FBXO10: variants seen among roughly 807,000 people sequenced by gnomAD.
FBXO10 encodes F-box only protein 10.
FBXO10 carries 39 observed loss-of-function variants against 80.7 expected under a neutral mutation model. That is an observed-to-expected ratio of 0.48 (90% CI 0.37 to 0.63). The LOEUF (loss-of-function observed/expected upper bound fraction) is 0.63. Among genes scored for constraint, FBXO10 ranks in the 30% least tolerant of loss-of-function variants. FBXO10 has a pLI of 0.00. For synonymous variants in FBXO10, 449 were observed against 489.6 expected, an observed-to-expected ratio of 0.92 and a Z score of 1.09; for missense variants, 1,025 against 1,269.0, an observed-to-expected ratio of 0.81 and a Z score of 2.92.
intron 1 of FBXO10, among the ~76,000 whole-genome samples, chr9:37,560,871 G>T (rs946182066): frequency 6.6e-6 from 1 of 152,082 alleles, no homozygotes; most frequent in South Asian, 2.1e-4. Context: ...TGCTGGGCGC[G>T]GTGGCTCATG....
chr9:37,518,343 T>A lies in FBXO10; in HGVS notation c.2296A>T (p.Ser766Cys). The change falls in exon 9 of 11, where the codon AGC (serine) becomes TGC (cysteine). Residue 766 changes from serine to cysteine, a missense_variant. This residue lies in a region of FBXO10 where 478 missense variants were observed against 667.8 expected (regional missense o/e 0.72). Coordinates refer to ENST00000432825, the MANE Select transcript of FBXO10 (RefSeq NM_012166.3). Reference sequence around the variant, plus strand: ...TTGTTGGCCACTCGGGTGGGTTGGCTGCTCTGGGCCACAGTAATGCCTCTG... The same window carrying A: ...TTGTTGGCCACTCGGGTGGGTTGGCAGCTCTGGGCCACAGTAATGCCTCTG... Reference protein sequence around the residue: ...GDRGITVAQSSQPTRVANNSI... With the variant: ...GDRGITVAQSCQPTRVANNSI... 1 of 1,614,050 alleles carries A rather than the reference T, an allele frequency of 6.2e-7. No individual in the cohort carries two copies. Among genetic ancestry groups the A allele is most frequent in the Non-Finnish European group, 8.5e-7 (1 of 1,179,894 alleles).
chr9:37,574,394 C>T (rs550170178), intron 1 of FBXO10, among the ~76,000 whole-genome samples: 1 of 152,172 alleles, frequency 6.6e-6, no homozygotes. Flanking sequence ...TTAACAGCTA[C>T]TTGTGCGATC....
chr9:37,522,795 C>T (rs961926629), intron 7 of FBXO10, 30 bp downstream of exon 7: 11 of 1,550,506 alleles, frequency 7.1e-6, no homozygotes, highest in Non-Finnish European at 8.7e-6. Flanking sequence ...CTTCCTGCCT[C>T]CCCGGCTGGG....
At chr9:37,518,466 G>A in intron 8 of FBXO10, 28 bp from the exon 9 acceptor site, 1 of 1,542,054 alleles carries the variant, frequency 6.5e-7, no homozygotes, top group South Asian at 1.3e-5. Flanking sequence ...GGAAAGCACA[G>A]GGGGTCCCAG....
Position 37,532,076 on chromosome 9 carries a change from A to G in FBXO10, c.1420-18T>C, listed in dbSNP as rs759610283. 1.1e-5 allele frequency: 17 copies of G among 1,608,306 alleles called. No homozygotes were observed. The highest frequency in any genetic ancestry group is 1.4e-5 in the Non-Finnish European group (17 of 1,176,806). On this transcript the variant is annotated intron_variant, in intron 3 of 10. Coordinates refer to ENST00000432825, the MANE Select transcript of FBXO10 (RefSeq NM_012166.3). ...ATGATGATCTAAGCAGAAAAGAGAA[A>G]GCCATTTATTTTCCTGTTACAAATA... is the stretch of plus-strand genomic sequence containing the variant.
intron 9 of FBXO10, among the ~76,000 whole-genome samples, chr9:37,517,217 G>A (rs780916523): frequency 6.6e-5 from 10 of 152,132 alleles, no homozygotes; most frequent in Admixed American, 3.3e-4. Context: ...AGGGGGAAGG[G>A]TGGGAGCAGG....
chr9:37,538,616 G>T (rs1821838060), intron 2 of FBXO10, among the ~76,000 whole-genome samples: 1 of 151,052 alleles, frequency 6.6e-6, no homozygotes, highest in Admixed American at 6.6e-5. Flanking sequence ...GCTGAGGAAT[G>T]AGAATAGCTT....
intron 1 of FBXO10, among the ~76,000 whole-genome samples, chr9:37,570,464 A>G (rs1004701649): frequency 4.6e-5 from 7 of 152,218 alleles, no homozygotes. Flanking sequence ...ATCAATTTCA[A>G]GAAGTCAGAA....
At chr9:37,538,737 G>A (rs537256182) in intron 2 of FBXO10, among the ~76,000 whole-genome samples, 38 of 150,486 alleles carry the variant, frequency 2.5e-4, no homozygotes, top group Non-Finnish European at 5.4e-4. Flanking sequence ...CATGGGCTCC[G>A]GGGGTTGACT....
intron 10 of FBXO10, chr9:37,515,296 G>A (rs1821154996): frequency 6.5e-6 from 1 of 152,870 alleles, no homozygotes; most frequent in East Asian, 1.9e-4. Context: ...GAATTAGGAT[G>A]GGGGCAGTTG....
intron 3 of FBXO10, among the ~76,000 whole-genome samples, chr9:37,535,175 G>A (rs930305402): frequency 6.6e-6 from 1 of 152,034 alleles, no homozygotes; most frequent in Non-Finnish European, 1.5e-5. Flanking sequence ...TAATTCAAAC[G>A]GGCTCAGCTC....
At chr9:37,568,615 T>C (rs1486505710) in intron 1 of FBXO10, among the ~76,000 whole-genome samples, 1 of 152,224 alleles carries the variant, frequency 6.6e-6, no homozygotes, top group African/African-American at 2.4e-5. Context: ...TCAAAGTTGA[T>C]ACATTGTATT....
rs150441103 is a variant in FBXO10 at position 37,519,205 on chromosome 9, G to T, written c.2201-767C>A. Among the ~76,000 whole-genome samples, 232 of 152,326 alleles carry T rather than the reference G, an allele frequency of 1.5e-3. 8 individuals are homozygous for T. In the East Asian group the frequency reaches 0.035, roughly 23 times the overall value. ...ATTACAGGCGTGAGCCACCATGCCT[G>T]GCCGGAAATTTTCTTCTTAATGTAA... On this transcript the variant is annotated intron_variant, in intron 8 of 10. Coordinates refer to ENST00000432825, the MANE Select transcript of FBXO10 (RefSeq NM_012166.3).
At chr9:37,536,698 T>C (rs1409881369) in intron 3 of FBXO10, among the ~76,000 whole-genome samples, 1 of 152,154 alleles carries the variant, frequency 6.6e-6, no homozygotes, top group African/African-American at 2.4e-5. Context: ...CTTCTCATTG[T>C]ACCCAGCACA....
chr9:37,565,720 T>G (rs1405831237), intron 1 of FBXO10, among the ~76,000 whole-genome samples: 3 of 152,174 alleles, frequency 2.0e-5, no homozygotes, highest in Admixed American at 1.3e-4. Flanking sequence ...AATCACTCGT[T>G]AGAGAGGTGC....
chr9:37,521,706 C>G lies in FBXO10; in HGVS notation c.2063G>C (p.Gly688Ala), dbSNP rs752170659. 6 of 1,613,996 alleles carry G rather than the reference C, an allele frequency of 3.7e-6. No homozygotes were observed. The highest frequency in any genetic ancestry group is 3.4e-6 in the Non-Finnish European group (4 of 1,179,886). Residue 688 changes from glycine (G) to alanine (A), a missense_variant, in exon 8 of 11, where the codon GGC becomes GCC. Around this residue, in one of 3 missense-constraint regions of FBXO10, gnomAD observed 478 missense variants for 667.8 expected, o/e 0.72. Transcript: ENST00000432825. ...QKDGSSELPR[G>A]HRAQENFSED... ...GCTGAAGTTCTCTTGAGCCCTGTGG[C>G]CTCGAGGTAACTCGCTGGAGCCATC...
chr9:37,534,564 T>A (rs1408356592), intron 3 of FBXO10, among the ~76,000 whole-genome samples: 1 of 152,228 alleles, frequency 6.6e-6, no homozygotes, highest in East Asian at 1.9e-4. Context: ...TCAGCTAACA[T>A]TTTCAATGCA....
chr9:37,556,309 CTG>C (rs2119166749), intron 1 of FBXO10, among the ~76,000 whole-genome samples: 1 of 152,020 alleles, frequency 6.6e-6, no homozygotes, highest in South Asian at 2.1e-4. Context: ...AGATTTTTTC[CTG>C]TGTTTTTTTC....
chr9:37,527,890 G>T (rs1301175432), intron 5 of FBXO10, among the ~76,000 whole-genome samples: 1 of 152,088 alleles, frequency 6.6e-6, no homozygotes, highest in Non-Finnish European at 1.5e-5. Context: ...GTCTGTAACA[G>T]TGAAAAATAG....
Sources: allele counts gnomAD v4.1 joint callset (sites outside exome capture counted in the v4.1 genomes callset), GRCh38; gene constraint gnomAD v4.1.1; regional missense constraint gnomAD v4.1.1; transcripts MANE v1.5; gene names NCBI Gene and HGNC (gene_info 2026-07-23, HGNC 2026-07-21).